CDKAL1: variants seen among roughly 807,000 people sequenced by gnomAD.
The protein encoded by CDKAL1 is threonylcarbamoyladenosine tRNA methylthiotransferase.
A neutral mutation model predicts 68.2 loss-of-function variants in CDKAL1; 32 were observed. The observed-to-expected ratio is 0.47, with a 90% confidence interval of 0.35 to 0.63. CDKAL1 has a LOEUF of 0.63. Among genes scored for constraint, CDKAL1 ranks in the 30% least tolerant of loss-of-function variants. The pLI is 0.00. For missense variants in CDKAL1, 606 were observed against 696.7 expected (o/e 0.87, Z 1.47); for synonymous variants, 234 against 244.3 (o/e 0.96, Z 0.39).
chr6:20,937,110 A>T (rs561667868), intron 9 of CDKAL1, among the ~76,000 whole-genome samples: 34 of 152,046 alleles, frequency 2.2e-4, no homozygotes, highest in Non-Finnish European at 4.6e-4. Context: ...TTTTTTAAAG[A>T]CAGTGTTTCA....
intron 9 of CDKAL1, among the ~76,000 whole-genome samples, chr6:20,914,879 G>A (rs544130055): frequency 1.3e-5 from 2 of 152,174 alleles, no homozygotes; most frequent in South Asian, 4.1e-4. Flanking sequence ...TATCACTAAG[G>A]TATTGCTCAC....
In CDKAL1 at chr6:20,771,066, G is replaced by T. The variant is rs1476824855; in HGVS notation, c.518-10079G>T. 3.9e-5 allele frequency among the ~76,000 whole-genome samples: 6 copies of T among 152,158 alleles called. No homozygotes were observed. In the East Asian group the frequency reaches 1.2e-3, roughly 29 times the overall value. On this transcript the variant is annotated intron_variant, in intron 7 of 15. Transcript: ENST00000274695. ...GACCTTAAGTCCCTTTAAGGCAGAA[G>T]TCAAAGTAGTGGCTCAAGATAGAGA...
At chr6:20,913,312 CA>C (rs1218936109) in intron 9 of CDKAL1, among the ~76,000 whole-genome samples, 1 of 152,222 alleles carries the variant, frequency 6.6e-6, no homozygotes, top group African/African-American at 2.4e-5. Flanking sequence ...GATCTGCTTC[CA>C]AAATCACTTA....
intron 11 of CDKAL1, among the ~76,000 whole-genome samples, chr6:21,022,746 G>C (rs1260917839): frequency 6.6e-6 from 1 of 152,160 alleles, no homozygotes; most frequent in South Asian, 2.1e-4. Flanking sequence ...ATGCGCATCA[G>C]TGGGTTTCTA....
intron 13 of CDKAL1, among the ~76,000 whole-genome samples, chr6:21,168,831 T>G (rs1439576893): frequency 6.6e-6 from 1 of 152,200 alleles, no homozygotes; most frequent in Non-Finnish European, 1.5e-5. Flanking sequence ...TGCTTTTAAT[T>G]CGCATCTATC....
At chr6:20,731,070 A>G (rs548248431) in intron 5 of CDKAL1, among the ~76,000 whole-genome samples, 4 of 152,214 alleles carry the variant, frequency 2.6e-5, no homozygotes, top group South Asian at 4.2e-4. Context: ...TTTCAGGAAC[A>G]CTCAGAAGGC....
chr6:20,964,031 A>G (rs1319780251), intron 10 of CDKAL1, among the ~76,000 whole-genome samples: 1 of 152,184 alleles, frequency 6.6e-6, no homozygotes, highest in Non-Finnish European at 1.5e-5. Flanking sequence ...GACAACGTAC[A>G]TGTGGCCAAC....
intron 9 of CDKAL1, among the ~76,000 whole-genome samples, chr6:20,884,008 T>C (rs776280702): frequency 6.6e-6 from 1 of 152,108 alleles, no homozygotes; most frequent in Non-Finnish European, 1.5e-5. Flanking sequence ...CAAAGCTAGA[T>C]AAAGATATCA....
intron 8 of CDKAL1, among the ~76,000 whole-genome samples, chr6:20,805,097 A>G (rs575274223): frequency 1.4e-4 from 22 of 152,300 alleles, no homozygotes; most frequent in Admixed American, 3.9e-4. Flanking sequence ...TAGAAAGATC[A>G]TGTATGTGTG....
chr6:21,119,543 G>C (rs1184555842), intron 13 of CDKAL1, among the ~76,000 whole-genome samples: 1 of 152,102 alleles, frequency 6.6e-6, no homozygotes, highest in Admixed American at 6.5e-5. Flanking sequence ...ATAGGTTTTC[G>C]CTTCTAAAAC....
At chr6:21,194,592 T>C (rs1778392110) in intron 13 of CDKAL1, among the ~76,000 whole-genome samples, 1 of 152,248 alleles carries the variant, frequency 6.6e-6, no homozygotes, top group Admixed American at 6.5e-5. Context: ...GCAGAGGCAC[T>C]GTTTGGATAT....
chr6:20,758,570 T>C, intron 6 of CDKAL1, 25 bp from the exon 7 acceptor site: 1 of 1,590,876 alleles, frequency 6.3e-7, no homozygotes, highest in South Asian at 1.2e-5. Context: ...AAATTACTTG[T>C]GTAATCGTTT....
At chr6:20,792,837 C>T (rs973449058) in intron 8 of CDKAL1, among the ~76,000 whole-genome samples, 2 of 152,082 alleles carry the variant, frequency 1.3e-5, no homozygotes, top group Non-Finnish European at 2.9e-5. Context: ...CTCTTGGGAG[C>T]CTTACAGTCT....
chr6:20,978,224 GT>G (rs1423976003), intron 10 of CDKAL1, among the ~76,000 whole-genome samples: 1 of 152,314 alleles, frequency 6.6e-6, no homozygotes, highest in African/African-American at 2.4e-5. Context: ...GCTTTGGAGG[GT>G]TTTGTAAAGT....
At chr6:20,784,554 A>G (rs941849053) in intron 8 of CDKAL1, among the ~76,000 whole-genome samples, 1 of 149,392 alleles carries the variant, frequency 6.7e-6, no homozygotes, top group African/African-American at 2.5e-5. Context: ...CCTCCCGAGT[A>G]GCTGGGACTA....
At chr6:20,855,438 G>A (rs1207932480) in intron 9 of CDKAL1, among the ~76,000 whole-genome samples, 1 of 70,850 alleles carries the variant, frequency 1.4e-5, no homozygotes, top group Non-Finnish European at 2.3e-5. Flanking sequence ...GCGAGACTCC[G>A]TCTCAAAAAA....
chr6:21,107,546 G>C (rs1773909705), intron 12 of CDKAL1, among the ~76,000 whole-genome samples: 2 of 152,086 alleles, frequency 1.3e-5, no homozygotes, highest in Non-Finnish European at 2.9e-5. Flanking sequence ...TCCTGCCTCA[G>C]CTTCCTGAGT....
At chr6:20,563,184 A>G (rs1300150277) in intron 4 of CDKAL1, among the ~76,000 whole-genome samples, 1 of 152,250 alleles carries the variant, frequency 6.6e-6, no homozygotes, top group East Asian at 1.9e-4. Flanking sequence ...GTAACAAGTG[A>G]ATCAAAGATA....
chr6:21,169,175 C>T (rs1162155964), intron 13 of CDKAL1, among the ~76,000 whole-genome samples: 1 of 152,158 alleles, frequency 6.6e-6, no homozygotes, highest in African/African-American at 2.4e-5. Flanking sequence ...GAATATTTTA[C>T]AAAGTCTGCC....
Sources: gnomAD v4.1 joint callset for allele counts (sites outside exome capture counted in the v4.1 genomes callset) on GRCh38, gnomAD v4.1.1 for gene constraint, MANE v1.5 for transcripts, NCBI Gene and HGNC (gene_info 2026-07-23, HGNC 2026-07-21) for gene names.